PPM1H: variants seen among roughly 807,000 people sequenced by gnomAD.
PPM1H encodes the protein protein phosphatase 1H.
Under a neutral mutation model 54.9 loss-of-function variants are expected in PPM1H, and 27 were observed. The ratio of observed to expected loss-of-function variants is 0.49; its 90% CI spans 0.36 to 0.68. PPM1H has a LOEUF of 0.68. PPM1H is among the 30% of genes least tolerant of loss of function. PPM1H has a pLI of 0.00. For missense variants in PPM1H, 596 were observed against 667.8 expected (o/e 0.89, Z 1.19); for synonymous variants, 305 against 270.8 (o/e 1.13, Z -1.24).
At chr12:62,919,688 G>A (rs554900280) in intron 1 of PPM1H, among the ~76,000 whole-genome samples, 1 of 152,234 alleles carries the variant, frequency 6.6e-6, no homozygotes, top group South Asian at 2.1e-4. Flanking sequence ...AAGGGCTCAT[G>A]ATGTTGAGAA....
chr12:62,703,377 CTT>C (rs74743665), intron 6 of PPM1H, among the ~76,000 whole-genome samples: 172 of 136,810 alleles, frequency 1.3e-3, no homozygotes, highest in Middle Eastern at 4.0e-3. Flanking sequence ...AAAAGGAGCC[CTT>C]TTTTTTTTTT....
chr12:62,744,214 T>C lies in PPM1H; in HGVS notation c.870-6628A>G, dbSNP rs182400494. ...GGCCAGGCGCTGTGGCTCACACCTG[T>C]AATCCCAGCACTTTGGGAGGCCGAG... On this transcript the variant is annotated intron_variant, in intron 4 of 9. Transcript: ENST00000228705. 2.4e-3 allele frequency among the ~76,000 whole-genome samples: 353 copies of C among 149,448 alleles called. 3 individuals carry two copies. The highest frequency in any genetic ancestry group is 7.5e-3 in the African/African-American group (303 of 40,612).
intron 7 of PPM1H, 92 bp from the exon 8 acceptor site, chr12:62,689,898 A>C: frequency 2.5e-6 from 2 of 811,346 alleles, no homozygotes; most frequent in South Asian, 1.8e-5. Context: ...CAACCAAACA[A>C]TTTTCCAGTT....
rs1400374623 is a variant in PPM1H, at chr12:62,727,937, AG to A, written c.955-7649del. On this transcript the variant is annotated intron_variant, in intron 5 of 9. Coordinates refer to ENST00000228705, the MANE Select transcript of PPM1H (RefSeq NM_020700.2). ...CAGCCTCCCAAAGTGCTGGGATTAC[AG>A]GCATGAGCCACCACGCCCAGCCTTA... Among the ~76,000 whole-genome samples, 3 of 152,192 alleles carry A rather than the reference AG, an allele frequency of 2.0e-5. No individual in the cohort carries two copies. In the East Asian group the frequency reaches 5.8e-4, roughly 29 times the overall value.
chr12:62,915,039 C>A (rs1871576936), intron 1 of PPM1H, among the ~76,000 whole-genome samples: 1 of 152,314 alleles, frequency 6.6e-6, no homozygotes, highest in East Asian at 1.9e-4. Context: ...AAAAAAAATT[C>A]TTTGTGGCTG....
At chr12:62,662,223 C>A (rs945447777) in intron 9 of PPM1H, among the ~76,000 whole-genome samples, 1 of 152,072 alleles carries the variant, frequency 6.6e-6, no homozygotes, top group Non-Finnish European at 1.5e-5. Context: ...GTGCTGAGTG[C>A]CTTTTAATGC....
intron 6 of PPM1H, among the ~76,000 whole-genome samples, chr12:62,697,292 A>G (rs2076120194): frequency 6.6e-6 from 1 of 152,034 alleles, no homozygotes; most frequent in Admixed American, 6.6e-5. Flanking sequence ...GTGCCCAGCT[A>G]ATTTTTGTAG....
At chr12:62,671,778 G>A (rs2075958199) in intron 8 of PPM1H, among the ~76,000 whole-genome samples, 1 of 152,126 alleles carries the variant, frequency 6.6e-6, no homozygotes, top group Non-Finnish European at 1.5e-5. Context: ...TTAGACTGGT[G>A]GTGAAGAAGG....
At chr12:62,920,149 G>A (rs751317676) in intron 1 of PPM1H, among the ~76,000 whole-genome samples, 7 of 152,182 alleles carry the variant, frequency 4.6e-5, no homozygotes, top group Middle Eastern at 3.4e-3. Flanking sequence ...GCATCTAATC[G>A]CACTCTTTGG....
intron 2 of PPM1H, among the ~76,000 whole-genome samples, chr12:62,811,322 G>A (rs11174663): frequency 0.066 from 9,976 of 152,228 alleles, 441 homozygotes; most frequent in Middle Eastern, 0.12. Context: ...ACATAGGAGT[G>A]GCAAAAACAC....
chr12:62,763,303 G>A (rs762146830), intron 4 of PPM1H, among the ~76,000 whole-genome samples: 7 of 152,102 alleles, frequency 4.6e-5, no homozygotes, highest in African/African-American at 9.7e-5. Flanking sequence ...TCCAAGCCTC[G>A]GCTCCCTCCC....
intron 6 of PPM1H, among the ~76,000 whole-genome samples, chr12:62,700,217 T>C (rs2076136424): frequency 6.6e-6 from 1 of 152,196 alleles, no homozygotes; most frequent in Non-Finnish European, 1.5e-5. Flanking sequence ...TTAAAACTCC[T>C]AGCTCACTTC....
intron 1 of PPM1H, among the ~76,000 whole-genome samples, chr12:62,837,015 A>G (rs1374389946): frequency 6.6e-6 from 1 of 152,216 alleles, no homozygotes; most frequent in Non-Finnish European, 1.5e-5. Flanking sequence ...TCAGGAATGA[A>G]CATGCATGAG....
intron 1 of PPM1H, among the ~76,000 whole-genome samples, chr12:62,911,729 C>T (rs1286353629): frequency 6.6e-6 from 1 of 152,246 alleles, no homozygotes; most frequent in African/African-American, 2.4e-5. Context: ...CTACTGCATG[C>T]CCATCATCTA....
chr12:62,907,028 C>A (rs917649910), intron 1 of PPM1H, among the ~76,000 whole-genome samples: 21 of 152,276 alleles, frequency 1.4e-4, no homozygotes, highest in African/African-American at 5.1e-4. Flanking sequence ...GACCCATTTC[C>A]CCTACAGGGA....
chr12:62,704,910 C>T (rs1236877163), intron 6 of PPM1H, among the ~76,000 whole-genome samples: 4 of 152,202 alleles, frequency 2.6e-5, no homozygotes, highest in Non-Finnish European at 5.9e-5. Flanking sequence ...ACGCCTGAGC[C>T]AGACCCTGCC....
chr12:62,896,057 C>T (rs892068430), intron 1 of PPM1H, among the ~76,000 whole-genome samples: 1 of 152,176 alleles, frequency 6.6e-6, no homozygotes, highest in African/African-American at 2.4e-5. Context: ...TTTCTATTAT[C>T]AGCTACATTT....
chr12:62,653,982 T>C (rs1318397275), intron 9 of PPM1H, among the ~76,000 whole-genome samples: 1 of 152,034 alleles, frequency 6.6e-6, no homozygotes, highest in South Asian at 2.1e-4. Context: ...TGGCTTACGC[T>C]TGTAATCCTA....
intron 4 of PPM1H, among the ~76,000 whole-genome samples, chr12:62,741,454 T>A (rs942469461): frequency 3.3e-5 from 5 of 152,264 alleles, no homozygotes; most frequent in African/African-American, 1.2e-4. Flanking sequence ...AGCCCTGTGA[T>A]GGCTTCCCAG....
Sources: allele counts gnomAD v4.1 joint callset (sites outside exome capture counted in the v4.1 genomes callset), GRCh38; gene constraint gnomAD v4.1.1; transcripts MANE v1.5; gene names NCBI Gene and HGNC (gene_info 2026-07-23, HGNC 2026-07-21).